The following FARS2 variants were observed in gnomAD, a reference collection of about 807,000 sequenced individuals.
The protein encoded by FARS2 is phenylalanyl-tRNA synthetase 2, mitochondrial, also known as phenylalanine--tRNA ligase, mitochondrial.
FARS2 carries 40 observed loss-of-function variants against 46.4 expected under a neutral mutation model. The ratio of observed to expected loss-of-function variants is 0.86; its 90% CI spans 0.67 to 1.12. FARS2 has a LOEUF of 1.12. Ranked by LOEUF, FARS2 falls within the 50% of genes most tolerant of loss-of-function variation. FARS2 has a pLI of 0.00. For synonymous variants in FARS2, 234 were observed against 214.9 expected (o/e 1.09, Z -0.78); for missense variants, 513 against 567.9 (o/e 0.90, Z 0.98).
chr6:5,369,290 AT>A, intron 2 of FARS2, 108 bp downstream of exon 2: 1 of 1,175,334 alleles, frequency 8.5e-7, no homozygotes, highest in Non-Finnish European at 1.2e-6. Context: ...TGCTTGCCTT[AT>A]TTTGCCTTAG....
intron 3 of FARS2, among the ~76,000 whole-genome samples, chr6:5,422,668 A>G (rs1359182008): frequency 6.6e-6 from 1 of 152,248 alleles, no homozygotes; most frequent in Non-Finnish European, 1.5e-5. Flanking sequence ...TGTATATGCC[A>G]GCCTCACATC....
At chr6:5,681,455 A>C (rs1235949002) in intron 6 of FARS2, among the ~76,000 whole-genome samples, 1 of 152,264 alleles carries the variant, frequency 6.6e-6, no homozygotes, top group African/African-American at 2.4e-5. Context: ...TCCATGGCTC[A>C]CAGGACTACA....
chr6:5,257,390 T>C (rs950943745), upstream of FARS2, among the ~76,000 whole-genome samples: 15 of 152,230 alleles, frequency 9.9e-5, no homozygotes, highest in Admixed American at 6.5e-5. Context: ...TACATCCTTC[T>C]GTCACAGCAC....
chr6:5,423,803 C>T (rs1368260624), intron 3 of FARS2, among the ~76,000 whole-genome samples: 1 of 152,098 alleles, frequency 6.6e-6, no homozygotes, highest in East Asian at 1.9e-4. Context: ...ATATGGCGCT[C>T]TTAAAGAGTC....
intron 6 of FARS2, among the ~76,000 whole-genome samples, chr6:5,619,944 C>T (rs530478046): frequency 6.6e-6 from 1 of 152,312 alleles, no homozygotes; most frequent in African/African-American, 2.4e-5. Context: ...CACCCGAACA[C>T]AACAGCTCTT....
chr6:5,659,274 T>C (rs540940348), intron 6 of FARS2, among the ~76,000 whole-genome samples: 7 of 152,164 alleles, frequency 4.6e-5, no homozygotes, highest in Non-Finnish European at 8.8e-5. Context: ...GAAACAACGC[T>C]TTTCCAGCCA....
intron 6 of FARS2, among the ~76,000 whole-genome samples, chr6:5,683,125 A>G (rs771590996): frequency 2.0e-5 from 3 of 152,186 alleles, no homozygotes; most frequent in Non-Finnish European, 4.4e-5. Flanking sequence ...CTCATTTAGC[A>G]TGTGATCTGA....
At chr6:5,750,162 A>C (rs1346669678) in intron 6 of FARS2, among the ~76,000 whole-genome samples, 1 of 152,174 alleles carries the variant, frequency 6.6e-6, no homozygotes, top group African/African-American at 2.4e-5. Flanking sequence ...ACAGCATGGC[A>C]ATGCCAGGGG....
chr6:5,671,296 G>A (rs1778444585), intron 6 of FARS2, among the ~76,000 whole-genome samples: 1 of 152,198 alleles, frequency 6.6e-6, no homozygotes, highest in South Asian at 2.1e-4. Flanking sequence ...TGACGTAAGA[G>A]TTACTCCCAC....
intron 1 of FARS2, among the ~76,000 whole-genome samples, chr6:5,307,233 T>C (rs559615538): frequency 6.6e-6 from 1 of 152,258 alleles, no homozygotes; most frequent in African/African-American, 2.4e-5. Flanking sequence ...ATCAGTGGGG[T>C]GTGAGTGGGT....
At chr6:5,640,664 C>T (rs1427140886) in intron 6 of FARS2, among the ~76,000 whole-genome samples, 1 of 152,240 alleles carries the variant, frequency 6.6e-6, no homozygotes. Flanking sequence ...GCTATGCGGC[C>T]TCTAGGCCGA....
intron 4 of FARS2, among the ~76,000 whole-genome samples, chr6:5,464,288 G>A (rs1225989759): frequency 6.6e-6 from 1 of 152,210 alleles, no homozygotes; most frequent in Non-Finnish European, 1.5e-5. Context: ...GGTTTGATCA[G>A]CAGCTGGTTC....
chr6:5,719,747 A>G (rs903529770), intron 6 of FARS2, among the ~76,000 whole-genome samples: 1 of 152,236 alleles, frequency 6.6e-6, no homozygotes, highest in African/African-American at 2.4e-5. Context: ...CATCTTACCA[A>G]GACAAGGTAG....
At chr6:5,632,703 G>A (rs1446531963) in intron 6 of FARS2, among the ~76,000 whole-genome samples, 6 of 137,886 alleles carry the variant, frequency 4.4e-5, no homozygotes, top group South Asian at 4.7e-4. Flanking sequence ...GTGTCTCATC[G>A]TGGTTTCAAT....
intron 4 of FARS2, among the ~76,000 whole-genome samples, chr6:5,467,885 G>A (rs890005159): frequency 1.3e-5 from 2 of 152,142 alleles, no homozygotes; most frequent in Non-Finnish European, 2.9e-5. Context: ...GTTATCAGAA[G>A]GGAATGATGA....
chr6:5,684,397 T>A (rs1300742391), intron 6 of FARS2, among the ~76,000 whole-genome samples: 1 of 152,128 alleles, frequency 6.6e-6, no homozygotes, highest in Admixed American at 6.5e-5. Flanking sequence ...GACCAAGGGA[T>A]GATGTCCTTA....
At chr6:5,669,132 A>C (rs538516933) in intron 6 of FARS2, among the ~76,000 whole-genome samples, 2 of 152,360 alleles carry the variant, frequency 1.3e-5, no homozygotes, top group Non-Finnish European at 2.9e-5. Flanking sequence ...CTGAAAAAAC[A>C]AACAGATGTT....
At chr6:5,677,012 A>G (rs1192823003) in intron 6 of FARS2, among the ~76,000 whole-genome samples, 1 of 152,258 alleles carries the variant, frequency 6.6e-6, no homozygotes, top group Non-Finnish European at 1.5e-5. Context: ...TTAAAAATCA[A>G]TCTCAATTCA....
At position 5,457,530 on chromosome 6, in the gene FARS2, T is replaced by C. The variant is rs186841538; in HGVS notation, c.904+26358T>C. On this transcript the variant is annotated intron_variant, in intron 4 of 6. Transcript: ENST00000274680. ...ATAATCTCCTGTGATATTTACCACA[T>C]TTTACCTTTTGACATGGTTATTTGA... is the stretch of plus-strand genomic sequence containing the variant. Among the ~76,000 whole-genome samples the C allele has an allele frequency of 2.8e-3, 428 of 152,348 alleles. 2 individuals carry two copies. Among genetic ancestry groups the C allele is most frequent in the African/African-American group, 0.01 (417 of 41,584 alleles).
Sources: allele counts gnomAD v4.1 joint callset (sites outside exome capture counted in the v4.1 genomes callset), GRCh38; gene constraint gnomAD v4.1.1; transcripts MANE v1.5; gene names NCBI Gene and HGNC (gene_info 2026-07-23, HGNC 2026-07-21).